PPP3R1: variants seen among roughly 807,000 people sequenced by gnomAD.
PPP3R1 encodes protein phosphatase 3 regulatory subunit B, alpha.
A neutral mutation model predicts 22.6 loss-of-function variants in PPP3R1; 5 were observed. The ratio of observed to expected loss-of-function variants is 0.22; its 90% CI spans 0.12 to 0.46. The LOEUF (loss-of-function observed/expected upper bound fraction) is 0.46, where lower values mean the gene tolerates loss of function less well. PPP3R1 is among the 20% of genes least tolerant of loss of function. The probability of loss-of-function intolerance (pLI) is 0.99; values close to 1 mark genes in which losing one functional copy is unlikely to be tolerated. For synonymous variants in PPP3R1, 56 were observed against 65.2 expected (o/e 0.86, Z 0.68); for missense variants, 61 against 203.2 (o/e 0.30, Z 4.25).
Position 68,179,011 on chromosome 2 carries a change from AAAAAAG to A in PPP3R1, c.*1946_*1951del, listed in dbSNP as rs1439851863. ...CACACAAACTAAAAAAAAAAAAAAA[AAAAAAG>A]AAAAAGAAAAAACCCTCATTCCCCG... On this transcript the variant is annotated 3_prime_UTR_variant, in exon 6 of 6. Transcript: ENST00000234310. 2 of 151,112 alleles carry A rather than the reference AAAAAAG, an allele frequency of 1.3e-5. No homozygotes were observed. Among genetic ancestry groups the A allele is most frequent in the Non-Finnish European group, 1.5e-5 (1 of 67,682 alleles). The allele number at this position is 151,112 out of a possible 1,614,324, so 9.4% of individuals were successfully genotyped here.
intron 2 of PPP3R1, among the ~76,000 whole-genome samples, chr2:68,214,113 C>G (rs1669534396): frequency 6.6e-6 from 1 of 152,172 alleles, no homozygotes; most frequent in Admixed American, 6.5e-5. Context: ...ATTGGACCCC[C>G]TTCCTTATAC....
intron 1 of PPP3R1, among the ~76,000 whole-genome samples, chr2:68,249,319 T>C (rs1449276102): frequency 6.6e-6 from 1 of 152,056 alleles, no homozygotes; most frequent in African/African-American, 2.4e-5. Flanking sequence ...TTCTAAAAAG[T>C]GGCCTTTGCC....
At chr2:68,191,049 G>A (rs1674656666) in intron 2 of PPP3R1, among the ~76,000 whole-genome samples, 1 of 152,178 alleles carries the variant, frequency 6.6e-6, no homozygotes, top group South Asian at 2.1e-4. Context: ...GTGATTTCAT[G>A]GCATCTGAGG....
chr2:68,196,408 T>C (rs1042486928), intron 2 of PPP3R1, among the ~76,000 whole-genome samples: 6 of 152,176 alleles, frequency 3.9e-5, no homozygotes, highest in Non-Finnish European at 8.8e-5. Context: ...GGAAGTTTAA[T>C]ATTTATATTC....
chr2:68,228,460 T>A (rs764337185), intron 1 of PPP3R1, among the ~76,000 whole-genome samples: 11 of 152,188 alleles, frequency 7.2e-5, no homozygotes, highest in Admixed American at 2.6e-4. Context: ...TTGTCAAATT[T>A]ATGTATATAA....
chr2:68,226,906 A>G (rs913830382), intron 1 of PPP3R1, among the ~76,000 whole-genome samples: 9 of 152,116 alleles, frequency 5.9e-5, no homozygotes, highest in Non-Finnish European at 1.0e-4. Context: ...CTCACTTTTT[A>G]TAATGAGTAT....
rs543097529 is a variant in PPP3R1 at position 68,202,879 on chromosome 2, T to C, written c.44-14189A>G. ...GTGCAGTGGCATGATCTCAGCTCACTGCAAGCTTCGCCTCCCAGGTTCACG... is the reference window on the plus strand; with the variant it reads ...GTGCAGTGGCATGATCTCAGCTCACCGCAAGCTTCGCCTCCCAGGTTCACG... On this transcript the variant is annotated intron_variant, in intron 2 of 5. Coordinates refer to ENST00000234310, the MANE Select transcript of PPP3R1 (RefSeq NM_000945.4). Among the ~76,000 whole-genome samples the C allele has an allele frequency of 4.4e-5, 6 of 135,784 alleles. No individual in the cohort carries two copies. In the East Asian group the frequency reaches 7.2e-4, roughly 16 times the overall value. 89.1% of individuals were successfully genotyped at this position (135,784 alleles called of 152,430 possible). A position where few individuals can be genotyped will look rare whatever the true frequency, so the allele number is the denominator to read the frequency against.
chr2:68,252,062 G>T, intron 1 of PPP3R1, 63 bp downstream of exon 1: 1 of 1,347,732 alleles, frequency 7.4e-7, no homozygotes, highest in Middle Eastern at 2.1e-4. Flanking sequence ...GCTCGCCCCC[G>T]CACCCGACCC....
intron 1 of PPP3R1, among the ~76,000 whole-genome samples, chr2:68,239,915 A>G (rs183592379): frequency 6.6e-6 from 1 of 152,204 alleles, no homozygotes; most frequent in Non-Finnish European, 1.5e-5. Context: ...CAACTTTATG[A>G]TGGTACCCAT....
chr2:68,198,190 ATATT>A (rs1558630849), intron 2 of PPP3R1, among the ~76,000 whole-genome samples: 1 of 138,862 alleles, frequency 7.2e-6, no homozygotes, highest in Non-Finnish European at 1.5e-5. Flanking sequence ...TATATAATAT[ATATT>A]TACATATATG....
At chr2:68,185,637 C>T (rs892786743) in intron 5 of PPP3R1, among the ~76,000 whole-genome samples, 2 of 151,850 alleles carry the variant, frequency 1.3e-5, no homozygotes, top group Non-Finnish European at 2.9e-5. Flanking sequence ...TTTATGATGG[C>T]ACAACCAGCC....
rs1482137864 is a variant in PPP3R1, at chr2:68,252,318, G to A, written c.-191C>T. 1.3e-5 allele frequency: 13 copies of A among 1,022,402 alleles called. No individual in the cohort carries two copies. The East Asian group carries it at 8.8e-4, about 69-fold the overall frequency. The allele number at this position is 1,022,402 out of a possible 1,614,324, so 63.3% of individuals were successfully genotyped here. A position where few individuals can be genotyped will look rare whatever the true frequency, so the allele number is the denominator to read the frequency against. ...GCCGGGCGATTGGGCACGCGAGGGA[G>A]CGGGCAGGGTAGGGGGAAATAAATT... On this transcript the variant is annotated 5_prime_UTR_variant, in exon 1 of 6. Transcript: ENST00000234310.
intron 2 of PPP3R1, among the ~76,000 whole-genome samples, chr2:68,199,462 T>A (rs1468093157): frequency 6.6e-6 from 1 of 152,198 alleles, no homozygotes; most frequent in Admixed American, 6.5e-5. Flanking sequence ...TTTTTCTTGA[T>A]CATGTTGTGA....
intron 1 of PPP3R1, among the ~76,000 whole-genome samples, chr2:68,248,374 T>C (rs1447799225): frequency 2.0e-5 from 3 of 152,206 alleles, no homozygotes; most frequent in East Asian, 1.9e-4. Flanking sequence ...CACTGTCTTA[T>C]TTACCCTACT....
At chr2:68,215,297 A>G (rs979418941) in intron 2 of PPP3R1, among the ~76,000 whole-genome samples, 43 of 152,186 alleles carry the variant, frequency 2.8e-4, no homozygotes, top group African/African-American at 8.9e-4. Flanking sequence ...TTTAAAAAAA[A>G]ACATGAGGTA....
Position 68,229,070 on chromosome 2 carries a change from G to A in PPP3R1, c.4-11939C>T, listed in dbSNP as rs1669836808. 2.0e-5 allele frequency among the ~76,000 whole-genome samples: 3 copies of A among 152,112 alleles called. No homozygotes were observed. The South Asian group carries it at 6.2e-4, about 31-fold the overall frequency. ...AGGGTCTCACTGTCACTCAGCTTGA[G>A]TGTAGTGGCATGACATGGCTCACTG... is the stretch of plus-strand genomic sequence containing the variant. On this transcript the variant is annotated intron_variant, in intron 1 of 5. Coordinates refer to ENST00000234310, the MANE Select transcript of PPP3R1 (RefSeq NM_000945.4).
intron 1 of PPP3R1, among the ~76,000 whole-genome samples, chr2:68,221,953 T>C (rs1669695042): frequency 6.6e-6 from 1 of 151,820 alleles, no homozygotes; most frequent in African/African-American, 2.4e-5. Flanking sequence ...GGCTTCAATA[T>C]ATGTTCACTA....
intron 1 of PPP3R1, among the ~76,000 whole-genome samples, chr2:68,250,571 C>CA (rs1670328344): frequency 6.6e-6 from 1 of 152,204 alleles, no homozygotes; most frequent in Admixed American, 6.5e-5. Context: ...CACTGAAATG[C>CA]AATTCTTCAC....
In PPP3R1 at chr2:68,220,315, C is replaced by G. The variant is rs533159634; in HGVS notation, c.4-3184G>C. Among the ~76,000 whole-genome samples the G allele has an allele frequency of 7.2e-5, 11 of 152,286 alleles. 2 individuals are homozygous for G. The highest frequency in any genetic ancestry group is 2.6e-4 in the African/African-American group (11 of 41,560). On this transcript the variant is annotated intron_variant, in intron 1 of 5. Transcript: ENST00000234310. The stretch of plus-strand genomic sequence containing the variant: ...AGACACATGAGAGAACTTTGGAGAT[C>G]TGCATAAAAGTCTCCTCCAGTCTCT...
Sources: allele counts gnomAD v4.1 joint callset (sites outside exome capture counted in the v4.1 genomes callset), GRCh38; gene constraint gnomAD v4.1.1; transcripts MANE v1.5; gene names NCBI Gene and HGNC (gene_info 2026-07-23, HGNC 2026-07-21).